Variants in MMP16 observed in about 807,000 individuals in gnomAD.
MMP16 encodes the protein matrix metalloproteinase-16.
MMP16 carries 12 observed loss-of-function variants against 67.8 expected under a neutral mutation model. The ratio of observed to expected loss-of-function variants is 0.18; its 90% CI spans 0.11 to 0.29. The LOEUF (loss-of-function observed/expected upper bound fraction) is 0.29. Ranked by LOEUF, MMP16 falls within the 10% of genes least tolerant of loss-of-function variation. The probability of loss-of-function intolerance (pLI) is 1.00; values close to 1 mark genes in which losing one functional copy is unlikely to be tolerated. For missense variants in MMP16, 475 were observed against 765.7 expected (o/e 0.62, Z 4.48); for synonymous variants, 249 against 255.9 (o/e 0.97, Z 0.26).
intron 1 of MMP16, among the ~76,000 whole-genome samples, chr8:88,201,890 A>C (rs1389916181): frequency 6.6e-6 from 1 of 152,150 alleles, no homozygotes; most frequent in Non-Finnish European, 1.5e-5. Context: ...GGTTTTAAAA[A>C]GTGGCAGGAT....
At position 88,080,560 on chromosome 8, in the gene MMP16, T is replaced by A. The variant is rs371655369; in HGVS notation, c.1084-5817A>T. Reference sequence around the variant, plus strand: ...AAGCAATTTTCCTGAGTCAGCCTCCTGAGTAGCTGGAACTACAGGCATCTG... The same window carrying A: ...AAGCAATTTTCCTGAGTCAGCCTCCAGAGTAGCTGGAACTACAGGCATCTG... On this transcript the variant is annotated intron_variant, in intron 6 of 9. Coordinates refer to ENST00000286614, the MANE Select transcript of MMP16 (RefSeq NM_005941.5). 2.6e-5 allele frequency among the ~76,000 whole-genome samples: 4 copies of A among 152,088 alleles called. No individual in the cohort carries two copies. In the East Asian group the frequency reaches 7.8e-4, roughly 30 times the overall value.
At chr8:88,052,303 A>G (rs897479017) in intron 8 of MMP16, among the ~76,000 whole-genome samples, 1 of 152,178 alleles carries the variant, frequency 6.6e-6, no homozygotes. Flanking sequence ...TATCTGCTTA[A>G]TTACTTGAGT....
At chr8:88,264,191 TAC>T (rs796512860) in intron 1 of MMP16, among the ~76,000 whole-genome samples, 3 of 150,796 alleles carry the variant, frequency 2.0e-5, no homozygotes, top group East Asian at 2.0e-4. Flanking sequence ...CGTGCACACA[TAC>T]ACACACACAC....
intron 1 of MMP16, chr8:88,326,837 A>G (rs1465005258): frequency 2.4e-5 from 11 of 450,110 alleles, no homozygotes; most frequent in Admixed American, 1.4e-4. Flanking sequence ...ACCGGCTACA[A>G]TTGTGTCTTT....
intron 2 of MMP16, among the ~76,000 whole-genome samples, chr8:88,190,482 A>G (rs564591462): frequency 2.6e-4 from 40 of 152,316 alleles, no homozygotes; most frequent in South Asian, 8.3e-4. Context: ...GGACTCATCA[A>G]TGCATGAAAT....
At chr8:88,217,145 A>G (rs1166407970) in intron 1 of MMP16, among the ~76,000 whole-genome samples, 1 of 152,060 alleles carries the variant, frequency 6.6e-6, no homozygotes, top group Non-Finnish European at 1.5e-5. Flanking sequence ...AAGGTGTTCC[A>G]GGATCATCCT....
rs1232539981 is a variant in MMP16 at position 88,037,769 on chromosome 8, AT to A, written c.*3691del. 1 of 151,932 alleles carries A rather than the reference AT, an allele frequency of 6.6e-6. No homozygotes were observed. The highest frequency in any genetic ancestry group is 6.6e-5 in the Admixed American group (1 of 15,214). 9.4% of individuals were successfully genotyped at this position (151,932 alleles called of 1,614,324 possible). On this transcript the variant is annotated 3_prime_UTR_variant, in exon 10 of 10. Transcript: ENST00000286614. ...GTTTAATAATACACAGAACAACAATATTTTACTAAAATTCTTAACTATATGG... is the reference window on the plus strand; with the variant it reads ...GTTTAATAATACACAGAACAACAATATTTACTAAAATTCTTAACTATATGG...
intron 4 of MMP16, among the ~76,000 whole-genome samples, chr8:88,125,213 GA>G (rs948030740): frequency 7.1e-6 from 1 of 141,222 alleles, no homozygotes; most frequent in African/African-American, 2.6e-5. Context: ...TACAAAATTA[GA>G]AAAAAAAACA....
At chr8:88,320,588 C>T (rs1453803162) in intron 1 of MMP16, among the ~76,000 whole-genome samples, 1 of 152,146 alleles carries the variant, frequency 6.6e-6, no homozygotes, top group Non-Finnish European at 1.5e-5. Flanking sequence ...TGCCAAGAGG[C>T]CCTCAGTAAA....
chr8:88,278,100 AC>A (rs2129987613), intron 1 of MMP16, among the ~76,000 whole-genome samples: 1 of 152,246 alleles, frequency 6.6e-6, no homozygotes, highest in African/African-American at 2.4e-5. Context: ...CCAAAGACAA[AC>A]TGTCATCTTG....
At chr8:88,218,490 A>T (rs1032660826) in intron 1 of MMP16, among the ~76,000 whole-genome samples, 7 of 152,054 alleles carry the variant, frequency 4.6e-5, no homozygotes, top group Non-Finnish European at 1.0e-4. Flanking sequence ...ATTTCTTACC[A>T]CACAAGAAAA....
At chr8:88,120,320 T>C (rs184594987) in intron 4 of MMP16, among the ~76,000 whole-genome samples, 14 of 152,050 alleles carry the variant, frequency 9.2e-5, no homozygotes, top group Admixed American at 7.2e-4. Flanking sequence ...GAGAGGATCA[T>C]TGGAAAGAAA....
chr8:88,293,905 T>C (rs1810964152), intron 1 of MMP16, among the ~76,000 whole-genome samples: 1 of 152,116 alleles, frequency 6.6e-6, no homozygotes. Flanking sequence ...GACACTTTTC[T>C]GGATGCTTTC....
intron 4 of MMP16, among the ~76,000 whole-genome samples, chr8:88,153,561 G>A (rs1188262830): frequency 1.4e-4 from 22 of 151,794 alleles, no homozygotes; most frequent in African/African-American, 3.4e-4. Context: ...AAATAACACC[G>A]CACACCTACA....
chr8:88,131,587 T>C (rs1037086489), intron 4 of MMP16, among the ~76,000 whole-genome samples: 1 of 151,766 alleles, frequency 6.6e-6, no homozygotes, highest in Non-Finnish European at 1.5e-5. Context: ...ATTAATGGAG[T>C]GTTAACAAAA....
chr8:88,218,063 G>T (rs1194259269), intron 1 of MMP16, among the ~76,000 whole-genome samples: 1 of 151,922 alleles, frequency 6.6e-6, no homozygotes, highest in Non-Finnish European at 1.5e-5. Flanking sequence ...TTAGGCAAAA[G>T]ATCTTCTGAC....
chr8:88,039,218 G>A lies in MMP16; in HGVS notation c.*2243C>T, dbSNP rs1359882567. 1 of 151,800 alleles carries A rather than the reference G, an allele frequency of 6.6e-6. No individual in the cohort carries two copies. Among genetic ancestry groups the A allele is most frequent in the East Asian group, 1.9e-4 (1 of 5,190 alleles). 9.4% of individuals were successfully genotyped at this position (151,800 alleles called of 1,614,324 possible). A position where few individuals can be genotyped will look rare whatever the true frequency, so the allele number is the denominator to read the frequency against. On this transcript the variant is annotated 3_prime_UTR_variant, in exon 10 of 10. Transcript: ENST00000286614. This position sits in a 1 kb window ranked among gnomAD's most constrained non-coding sequence, Gnocchi z 4.5. ...TATAAAATTCCTGCTTTATATAAAA[G>A]CCACACTGGCCATTCAAGTATTTGA... is the stretch of plus-strand genomic sequence containing the variant.
chr8:88,305,072 A>G lies in MMP16; in HGVS notation c.132+22003T>C, dbSNP rs543411664. On this transcript the variant is annotated intron_variant, in intron 1 of 9. Coordinates refer to ENST00000286614, the MANE Select transcript of MMP16 (RefSeq NM_005941.5). The stretch of plus-strand genomic sequence containing the variant: ...CAGACCCATGTAAAGTGAAAGACAC[A>G]TAGGCTTGAAATAAATGGATGAAGG... 2.0e-5 allele frequency among the ~76,000 whole-genome samples: 3 copies of G among 152,294 alleles called. No homozygotes were observed. In the East Asian group the frequency reaches 5.8e-4, roughly 29 times the overall value.
intron 1 of MMP16, among the ~76,000 whole-genome samples, chr8:88,268,827 C>CT (rs35661528): frequency 4.8e-4 from 72 of 151,560 alleles, no homozygotes; most frequent in African/African-American, 1.6e-3. Context: ...TGTTATTGTT[C>CT]TTTTTTTTTT....
Sources: allele counts gnomAD v4.1 joint callset (sites outside exome capture counted in the v4.1 genomes callset), GRCh38; gene constraint gnomAD v4.1.1; non-coding constraint Gnocchi (gnomAD v3.1); transcripts MANE v1.5; gene names NCBI Gene and HGNC (gene_info 2026-07-23, HGNC 2026-07-21).